GSAP: variants seen among roughly 807,000 people sequenced by gnomAD.
GSAP encodes gamma-secretase-activating protein.
Under a neutral mutation model 131.7 loss-of-function variants are expected in GSAP, and 118 were observed. That is an observed-to-expected ratio of 0.90 (90% CI 0.77 to 1.04). The LOEUF (loss-of-function observed/expected upper bound fraction) is 1.04, where lower values mean the gene tolerates loss of function less well. GSAP is among the 50% of genes least tolerant of loss of function. GSAP has a pLI of 0.00. For synonymous variants in GSAP, 381 were observed against 363.4 expected, an observed-to-expected ratio of 1.05 and a Z score of -0.55; for missense variants, 1,019 against 1,013.2, an observed-to-expected ratio of 1.01 and a Z score of -0.08.
intron 28 of GSAP, among the ~76,000 whole-genome samples, chr7:77,312,938 A>C (rs1163145370): frequency 6.6e-6 from 1 of 152,112 alleles, no homozygotes; most frequent in Non-Finnish European, 1.5e-5. Flanking sequence ...AAGTGTTGAT[A>C]TTCCCTTGTG....
chr7:77,408,285 C>T (rs1462820179), intron 1 of GSAP, among the ~76,000 whole-genome samples: 1 of 152,212 alleles, frequency 6.6e-6, no homozygotes, highest in Non-Finnish European at 1.5e-5. Flanking sequence ...CATCTTTCTT[C>T]TAAAATTTTA....
At chr7:77,336,468 C>G (rs1004664951) in intron 19 of GSAP, among the ~76,000 whole-genome samples, 6 of 151,362 alleles carry the variant, frequency 4.0e-5, no homozygotes, top group Admixed American at 2.7e-4. Flanking sequence ...AATGATATCA[C>G]TAGCCTCAAG....
At chr7:77,346,270 C>CA (rs1223497863) in intron 19 of GSAP, among the ~76,000 whole-genome samples, 1,219 of 40,220 alleles carry the variant, frequency 0.03, 50 homozygotes, top group African/African-American at 0.055. Flanking sequence ...GACTCCATCT[C>CA]AAAAAAAAAA....
intron 26 of GSAP, among the ~76,000 whole-genome samples, chr7:77,318,006 G>A (rs779483901): frequency 1.3e-4 from 20 of 152,120 alleles, no homozygotes; most frequent in Non-Finnish European, 2.1e-4. Flanking sequence ...ATTCCAAACC[G>A]TATCAGATGT....
rs1303685219 is a variant in GSAP, at chr7:77,350,355, A to G, written c.1492-951T>C. On this transcript the variant is annotated intron_variant, in intron 18 of 30. Transcript: ENST00000257626. ...GAGTTAATGGGTGCAGCACACCAGC[A>G]TGGCACATGTATACATATGTAACTA... Among the ~76,000 whole-genome samples, 3 of 149,780 alleles carry G rather than the reference A, an allele frequency of 2.0e-5. No individual in the cohort carries two copies. In the East Asian group the frequency reaches 5.9e-4, roughly 30 times the overall value.
chr7:77,396,652 TAAGAA>T (rs547522762), intron 5 of GSAP, among the ~76,000 whole-genome samples: 1 of 152,272 alleles, frequency 6.6e-6, no homozygotes, highest in South Asian at 2.1e-4. Context: ...TAACCAGATA[TAAGAA>T]AAGATGCATT....
At chr7:77,357,511 A>G (rs1427408940) in intron 14 of GSAP, among the ~76,000 whole-genome samples, 1 of 152,240 alleles carries the variant, frequency 6.6e-6, no homozygotes, top group Non-Finnish European at 1.5e-5. Flanking sequence ...CCACAAGCCA[A>G]GAAATACTAG....
intron 1 of GSAP, among the ~76,000 whole-genome samples, chr7:77,407,078 C>G (rs1178655824): frequency 6.6e-6 from 1 of 152,180 alleles, no homozygotes; most frequent in African/African-American, 2.4e-5. Context: ...GCATTGACCA[C>G]ACACCAAGTC....
intron 8 of GSAP, among the ~76,000 whole-genome samples, chr7:77,380,549 C>A (rs1440535920): frequency 6.6e-6 from 1 of 152,044 alleles, no homozygotes; most frequent in Non-Finnish European, 1.5e-5. Context: ...TCTAAAGAGA[C>A]TGAATTGGAG....
intron 19 of GSAP, among the ~76,000 whole-genome samples, chr7:77,332,616 T>C (rs565925134): frequency 1.3e-5 from 2 of 152,260 alleles, no homozygotes; most frequent in South Asian, 2.1e-4. Context: ...AAGAAATCCA[T>C]GGCCTAAAAT....
At chr7:77,393,412 G>A (rs543195986) in intron 5 of GSAP, among the ~76,000 whole-genome samples, 3 of 152,114 alleles carry the variant, frequency 2.0e-5, no homozygotes, top group Non-Finnish European at 4.4e-5. Context: ...CTCTCCAGCC[G>A]TGACCTCTTA....
chr7:77,387,747 C>G (rs138266037), intron 5 of GSAP, among the ~76,000 whole-genome samples: 1 of 152,152 alleles, frequency 6.6e-6, no homozygotes, highest in Non-Finnish European at 1.5e-5. Flanking sequence ...ATGAAAACCA[C>G]AGGATACTCA....
At chr7:77,313,672 A>T in intron 27 of GSAP, 123 bp from the exon 28 acceptor site, 1 of 510,524 alleles carries the variant, frequency 2.0e-6, no homozygotes, top group Non-Finnish European at 3.4e-6. Context: ...TTCTCAAGCT[A>T]ATCTAACAGC....
rs57095326 is a variant in GSAP, at chr7:77,414,844, C to CTTTTTTTTTTTTTTTTTTTT, written c.109+1349_109+1368dup. On this transcript the variant is annotated intron_variant, in intron 1 of 30. Coordinates refer to ENST00000257626, the MANE Select transcript of GSAP (RefSeq NM_017439.4). ...AAAAACTTTTCAGACATGTGGGCGA[C>CTTTTTTTTTTTTTTTTTTTT]TTTTTTTTTTTTTTTTTTTTTTTTT... is the stretch of plus-strand genomic sequence containing the variant. Among the ~76,000 whole-genome samples the CTTTTTTTTTTTTTTTTTTTT allele has an allele frequency of 2.3e-4, 14 of 59,876 alleles. 3 individuals carry two copies. Among genetic ancestry groups the CTTTTTTTTTTTTTTTTTTTT allele is most frequent in the African/African-American group, 8.9e-4 (12 of 13,530 alleles). 39.3% of individuals were successfully genotyped at this position (59,876 alleles called of 152,430 possible).
intron 14 of GSAP, among the ~76,000 whole-genome samples, 159 bp from the exon 15 acceptor site, chr7:77,355,806 T>TTTTTTTTTTG: frequency 7.7e-6 from 1 of 129,512 alleles, no homozygotes; most frequent in Admixed American, 8.2e-5. Flanking sequence ...TTTTTTTTTT[T>TTTTTTTTTTG]AAGACAGGGT....
chr7:77,336,790 T>C (rs7809274), intron 19 of GSAP, among the ~76,000 whole-genome samples: 13,146 of 152,096 alleles, frequency 0.086, 767 homozygotes, highest in South Asian at 0.12. Context: ...GCCCAGCCAG[T>C]ATCATCTTAT....
At chr7:77,375,301 A>G (rs1444497586) in intron 10 of GSAP, among the ~76,000 whole-genome samples, 200 bp from the exon 11 acceptor site, 3 of 152,230 alleles carry the variant, frequency 2.0e-5, no homozygotes, top group African/African-American at 7.2e-5. Flanking sequence ...ATTTACATAT[A>G]ATCATGAGCT....
At chr7:77,400,610 A>C (rs1291287783) in intron 3 of GSAP, among the ~76,000 whole-genome samples, 1 of 152,204 alleles carries the variant, frequency 6.6e-6, no homozygotes, top group Non-Finnish European at 1.5e-5. Context: ...CCCAACAGGT[A>C]AATTATCACA....
rs1584010682 is a variant in GSAP at position 77,416,193 on chromosome 7, C to T, written c.109+20G>A. ...TCCCACTCCCCGCCCCCACCCCTCT[C>T]CGCAGCGCGCCTCCCGCACCTGCGC... On this transcript the variant is annotated intron_variant, in intron 1 of 30. Coordinates refer to ENST00000257626, the MANE Select transcript of GSAP (RefSeq NM_017439.4). 9.5e-6 allele frequency: 12 copies of T among 1,269,676 alleles called. No homozygotes were observed. The Admixed American group carries it at 1.4e-4, about 15-fold the overall frequency. The allele number at this position is 1,269,676 out of a possible 1,614,324, so 78.7% of individuals were successfully genotyped here.
Sources: allele counts gnomAD v4.1 joint callset (sites outside exome capture counted in the v4.1 genomes callset), GRCh38; gene constraint gnomAD v4.1.1; transcripts MANE v1.5; gene names NCBI Gene and HGNC (gene_info 2026-07-23, HGNC 2026-07-21).